Variants in HDAC4 observed in about 807,000 individuals in gnomAD.
The protein encoded by HDAC4 is histone deacetylase 4.
A neutral mutation model predicts 135.1 loss-of-function variants in HDAC4; 16 were observed. The observed-to-expected ratio is 0.12, with a 90% CI of 0.08 to 0.18. The LOEUF (loss-of-function observed/expected upper bound fraction) is 0.18, where lower values mean the gene tolerates loss of function less well. HDAC4 is among the 10% of genes least tolerant of loss of function. The pLI is 1.00. For synonymous variants in HDAC4, 685 were observed against 653.4 expected (o/e 1.05, Z -0.74); for missense variants, 1,143 against 1,511.8 (o/e 0.76, Z 4.05).
chr2:239,374,386 CTTTTTTTTTTTTTTTTT>C lies in HDAC4; in HGVS notation c.-219-21485_-219-21469del, dbSNP rs755538495. Among the ~76,000 whole-genome samples the C allele has an allele frequency of 4.1e-4, 23 of 56,706 alleles. 1 individual carries two copies. In the East Asian group the frequency reaches 0.01, roughly 25 times the overall value. 37.2% of individuals were successfully genotyped at this position (56,706 alleles called of 152,430 possible). A position where few individuals can be genotyped will look rare whatever the true frequency, so the allele number is the denominator to read the frequency against. ...CACCCCAGATGAATAGAAAACAAGGCTTTTTTTTTTTTTTTTTTTTTTTTTTTTTTTTTTTGAGACGG... is the reference window on the plus strand; with the variant it reads ...CACCCCAGATGAATAGAAAACAAGGCTTTTTTTTTTTTTTTTTTGAGACGG... On this transcript the variant is annotated intron_variant, in intron 1 of 26. Coordinates refer to ENST00000543185, the MANE Select transcript of HDAC4 (RefSeq NM_001378414.1).
At chr2:239,229,689 C>A (rs1212762242) in intron 3 of HDAC4, among the ~76,000 whole-genome samples, 1 of 152,162 alleles carries the variant, frequency 6.6e-6, no homozygotes, top group Non-Finnish European at 1.5e-5. Flanking sequence ...GAGGACCTCA[C>A]AGATCCTAGG....
At chr2:239,368,475 CA>C (rs1179641351) in intron 1 of HDAC4, among the ~76,000 whole-genome samples, 1 of 152,188 alleles carries the variant, frequency 6.6e-6, no homozygotes, top group Non-Finnish European at 1.5e-5. Context: ...CTTCTTGAAA[CA>C]AACTCAAGAT....
In HDAC4 at chr2:239,379,935, G is replaced by A. The variant is rs186369969; in HGVS notation, c.-220+21043C>T. On this transcript the variant is annotated intron_variant, in intron 1 of 26. Transcript: ENST00000543185. ...AGTGGAATGCTCCGGACCTGGCTGCGGGGTGACTCGGGGGGAAGCGGATGC... is the reference window on the plus strand; with the variant it reads ...AGTGGAATGCTCCGGACCTGGCTGCAGGGTGACTCGGGGGGAAGCGGATGC... Among the ~76,000 whole-genome samples the A allele has an allele frequency of 4.6e-3, 700 of 152,348 alleles. 3 individuals are homozygous for A. The highest frequency in any genetic ancestry group is 0.016 in the African/African-American group (662 of 41,582).
chr2:239,283,857 C>A (rs1227805407), intron 2 of HDAC4, among the ~76,000 whole-genome samples: 9 of 152,222 alleles, frequency 5.9e-5, no homozygotes, highest in African/African-American at 2.2e-4. Context: ...AATACATTTG[C>A]TAGCTTCTGG....
chr2:239,185,788 T>A (rs531898102), intron 4 of HDAC4, among the ~76,000 whole-genome samples: 132 of 152,208 alleles, frequency 8.7e-4, no homozygotes, highest in Non-Finnish European at 1.6e-3. Flanking sequence ...CCTGACACTT[T>A]GGGAGGCTGA....
intron 1 of HDAC4, among the ~76,000 whole-genome samples, chr2:239,363,285 A>G (rs1693973850): frequency 6.6e-6 from 1 of 152,230 alleles, no homozygotes; most frequent in Non-Finnish European, 1.5e-5. Flanking sequence ...TTTTTTTGAA[A>G]ACTGACAATT....
chr2:239,200,648 T>G (rs566435), intron 3 of HDAC4, among the ~76,000 whole-genome samples: 81,204 of 152,082 alleles, frequency 0.53, 23,131 homozygotes, highest in South Asian at 0.73. Flanking sequence ...GAAGGTGCTT[T>G]GTATTGCTTT....
At chr2:239,364,241 C>A (rs1694031529) in intron 1 of HDAC4, among the ~76,000 whole-genome samples, 1 of 152,214 alleles carries the variant, frequency 6.6e-6, no homozygotes, top group South Asian at 2.1e-4. Context: ...GAAGACACGG[C>A]AGCATTATCT....
intron 1 of HDAC4, among the ~76,000 whole-genome samples, chr2:239,389,927 C>A (rs1256816179): frequency 6.6e-6 from 1 of 152,168 alleles, no homozygotes; most frequent in Non-Finnish European, 1.5e-5. Flanking sequence ...TGGAGCCAGA[C>A]CGAAGGAGAG....
chr2:239,054,683 A>T, intron 25 of HDAC4, 66 bp downstream of exon 25: 1 of 981,912 alleles, frequency 1.0e-6, no homozygotes, highest in East Asian at 2.4e-5. Flanking sequence ...GGGGACAGGG[A>T]TGGGGTGTGG....
rs533057808 is a variant in HDAC4 at position 239,219,420 on chromosome 2, G to A, written c.94+17173C>T. Among the ~76,000 whole-genome samples, 50 of 150,018 alleles carry A rather than the reference G, an allele frequency of 3.3e-4. No homozygotes were observed. In the East Asian group the frequency reaches 9.4e-3, roughly 28 times the overall value. ...CACTCATAGGTAGGAATTGAACATT[G>A]AGAACACGTGGACACAGGAAGGGGA... On this transcript the variant is annotated intron_variant, in intron 3 of 26. Coordinates refer to ENST00000543185, the MANE Select transcript of HDAC4 (RefSeq NM_001378414.1).
In HDAC4 at chr2:239,262,992, G is replaced by A. The variant is rs1027969041; in HGVS notation, c.23-26328C>T. On this transcript the variant is annotated intron_variant, in intron 2 of 26. Coordinates refer to ENST00000543185, the MANE Select transcript of HDAC4 (RefSeq NM_001378414.1). This position sits in a 1 kb window ranked among gnomAD's most constrained non-coding sequence, Gnocchi z 4.1. ...CCCCCGGGAAGCCAAGCCCCAGGAA[G>A]GGCCCATTATGCCGATGAAGACACG... 6.6e-6 allele frequency among the ~76,000 whole-genome samples: 1 copy of A among 152,076 alleles called. No homozygotes were observed. Among genetic ancestry groups the A allele is most frequent in the Admixed American group, 6.5e-5 (1 of 15,284 alleles).
chr2:239,395,054 T>C (rs1375602704), intron 1 of HDAC4, among the ~76,000 whole-genome samples: 1 of 152,134 alleles, frequency 6.6e-6, no homozygotes, highest in East Asian at 1.9e-4. Context: ...GAGCATGAAC[T>C]GAGGGGCTGG....
At chr2:239,284,195 A>AG (rs754961911) in intron 2 of HDAC4, among the ~76,000 whole-genome samples, 1 of 152,224 alleles carries the variant, frequency 6.6e-6, no homozygotes, top group Non-Finnish European at 1.5e-5. Flanking sequence ...ACTCTCCACC[A>AG]GGACAGTGCC....
chr2:239,115,099 T>G lies in HDAC4; in HGVS notation c.1745A>C (p.Glu582Ala), dbSNP rs776257542. ...EEEAEPPREV[E>A]PGQRQPSEQE... ...CTCACTGGGCTGGCGCTGGCCCGGC[T>G]CCACCTCCCGTGGGGGCTCTGCCTC... is the stretch of plus-strand genomic sequence containing the variant. Residue 582 changes from glutamate (E) to alanine (A), a missense_variant, in exon 13 of 27, where the codon GAG (glutamate) becomes GCG (alanine). Around this residue, in one of 9 missense-constraint regions of HDAC4, gnomAD observed 196 missense variants for 210.7 expected, o/e 0.93. Transcript: ENST00000543185. The surrounding 1 kb of genome is among the most constrained non-coding windows in gnomAD (Gnocchi z 6.3). The G allele has an allele frequency of 6.2e-7, 1 of 1,611,578 alleles. No individual in the cohort carries two copies. Among genetic ancestry groups the G allele is most frequent in the East Asian group, 2.2e-5 (1 of 44,874 alleles).
chr2:239,273,902 AC>A (rs571276094), intron 2 of HDAC4, among the ~76,000 whole-genome samples: 137 of 152,270 alleles, frequency 9.0e-4, no homozygotes, highest in African/African-American at 3.2e-3. Context: ...GAGACTGAAA[AC>A]TTTTTGAGAC....
intron 2 of HDAC4, among the ~76,000 whole-genome samples, chr2:239,252,501 T>C (rs2048838825): frequency 6.6e-6 from 1 of 152,214 alleles, no homozygotes; most frequent in South Asian, 2.1e-4. Context: ...GCTGAGAGCA[T>C]TTCTCAGGTT....
chr2:239,260,435 C>T (rs371103260), intron 2 of HDAC4, among the ~76,000 whole-genome samples: 7 of 152,224 alleles, frequency 4.6e-5, no homozygotes, highest in Non-Finnish European at 7.3e-5. Flanking sequence ...GTACAAATAA[C>T]GGGTCTGGAG....
At chr2:239,175,106 A>G (rs1382752526) in intron 5 of HDAC4, among the ~76,000 whole-genome samples, 1 of 152,214 alleles carries the variant, frequency 6.6e-6, no homozygotes, top group African/African-American at 2.4e-5. Context: ...CCTTTTCAGT[A>G]TTACCAGGGA....
Sources: allele counts gnomAD v4.1 joint callset (sites outside exome capture counted in the v4.1 genomes callset), GRCh38; gene constraint gnomAD v4.1.1; regional missense constraint gnomAD v4.1.1; non-coding constraint Gnocchi (gnomAD v3.1); transcripts MANE v1.5; gene names NCBI Gene and HGNC (gene_info 2026-07-23, HGNC 2026-07-21).